CHL1: variants seen among roughly 807,000 people sequenced by gnomAD.
CHL1 encodes cell adhesion molecule L1 like, also known as neural cell adhesion molecule L1-like protein.
Under a neutral mutation model 141.9 loss-of-function variants are expected in CHL1, and 96 were observed. The ratio of observed to expected loss-of-function variants is 0.68; its 90% CI spans 0.57 to 0.80. CHL1 has a LOEUF of 0.80. Among genes scored for constraint, CHL1 ranks in the 30% least tolerant of loss-of-function variants. The pLI is 0.00. For synonymous variants in CHL1, 613 were observed against 502.2 expected (o/e 1.22, Z -2.95); for missense variants, 1,820 against 1,457.2 (o/e 1.25, Z -4.05).
intron 2 of CHL1, among the ~76,000 whole-genome samples, chr3:300,741 C>G (rs539754699): frequency 8.6e-5 from 13 of 151,796 alleles, no homozygotes; most frequent in African/African-American, 3.1e-4. Flanking sequence ...GATAAGTGCT[C>G]TCGTGTGAAA....
At chr3:246,107 G>C (rs1213474878) in intron 2 of CHL1, among the ~76,000 whole-genome samples, 1 of 152,090 alleles carries the variant, frequency 6.6e-6, no homozygotes, top group Non-Finnish European at 1.5e-5. Context: ...ACACTTTTAT[G>C]ATTTCACTTT....
intron 2 of CHL1, among the ~76,000 whole-genome samples, chr3:300,373 G>A (rs1422251061): frequency 1.3e-5 from 2 of 152,142 alleles, no homozygotes; most frequent in Admixed American, 1.3e-4. Context: ...TGGCTCTGAT[G>A]CAAACAGAGG....
Position 394,832 on chromosome 3 carries a change from A to G in CHL1, c.3054A>G (p.Gly1018=). The part of the protein sequence containing the change: ...YLRACTSQGC[G]KPITEESSTL... ...GGGCTTGCACTTCACAGGGCTGTGG[A>G]AAACCGATCACGGAGGAAAGCTCCA... Residue 1018 remains glycine (G), a synonymous_variant, in exon 24 of 28, where the codon GGA becomes GGG. Transcript: ENST00000256509. 2 of 1,613,400 alleles carry G rather than the reference A, an allele frequency of 1.2e-6. No homozygotes were observed. The highest frequency in any genetic ancestry group is 3.3e-4 in the Middle Eastern group (2 of 6,056).
chr3:241,640 T>C (rs1362787907), intron 1 of CHL1, among the ~76,000 whole-genome samples: 1 of 152,092 alleles, frequency 6.6e-6, no homozygotes, highest in Non-Finnish European at 1.5e-5. Context: ...AGTTTTTTTG[T>C]GCATATACTA....
intron 2 of CHL1, among the ~76,000 whole-genome samples, chr3:282,952 G>A (rs1041447838): frequency 6.6e-6 from 1 of 152,186 alleles, no homozygotes; most frequent in Non-Finnish European, 1.5e-5. Context: ...TTGATTTTGT[G>A]TCCAGGGATC....
chr3:335,517 C>T (rs1216869793), intron 5 of CHL1, among the ~76,000 whole-genome samples: 2 of 152,134 alleles, frequency 1.3e-5, no homozygotes, highest in African/African-American at 4.8e-5. Context: ...CAGTAGCATG[C>T]AGTTGTGACA....
At chr3:339,333 T>A (rs447353) in intron 5 of CHL1, among the ~76,000 whole-genome samples, 7 of 152,204 alleles carry the variant, frequency 4.6e-5, no homozygotes, top group African/African-American at 1.7e-4. Context: ...GCTGGCATGA[T>A]GTTTTATCTA....
At chr3:256,577 A>C (rs1172037473) in intron 2 of CHL1, among the ~76,000 whole-genome samples, 2 of 152,226 alleles carry the variant, frequency 1.3e-5, no homozygotes, top group African/African-American at 4.8e-5. Context: ...AGTAGAGGCC[A>C]AAGATGCTGC....
intron 2 of CHL1, among the ~76,000 whole-genome samples, chr3:294,454 A>G (rs971503832): frequency 1.3e-5 from 2 of 152,232 alleles, no homozygotes; most frequent in Non-Finnish European, 2.9e-5. Context: ...TTAATTGTAC[A>G]TGTTTAAACA....
At chr3:247,532 AAGAG>A (rs749780662) in intron 2 of CHL1, 3 of 152,064 alleles carry the variant, frequency 2.0e-5, no homozygotes, top group Non-Finnish European at 4.4e-5. Context: ...AAGAAGAAGA[AAGAG>A]AGGAACAGAA....
At chr3:308,693 T>C (rs1699464730) in intron 2 of CHL1, 1 of 151,910 alleles carries the variant, frequency 6.6e-6, no homozygotes, top group Non-Finnish European at 1.5e-5. Flanking sequence ...TTAGGTGAGC[T>C]GAGACAGGAA....
chr3:248,295 A>G (rs1383373172), intron 2 of CHL1: 2 of 152,132 alleles, frequency 1.3e-5, no homozygotes, highest in Non-Finnish European at 2.9e-5. Flanking sequence ...AAGCTGAGGT[A>G]TACTTATATT....
At chr3:258,854 A>G (rs907785695) in intron 2 of CHL1, among the ~76,000 whole-genome samples, 8 of 149,222 alleles carry the variant, frequency 5.4e-5, no homozygotes, top group African/African-American at 2.0e-4. Flanking sequence ...TCACATTGTT[A>G]TTAACTAAGT....
chr3:308,464 A>G (rs1699440662), intron 2 of CHL1, among the ~76,000 whole-genome samples: 1 of 152,068 alleles, frequency 6.6e-6, no homozygotes, highest in African/African-American at 2.4e-5. Context: ...GATTAACACA[A>G]AAAACTGGAG....
In CHL1 at chr3:334,859, G is replaced by A. The variant is rs183201309; in HGVS notation, c.386-5935G>A. Among the ~76,000 whole-genome samples the A allele has an allele frequency of 2.9e-4, 44 of 152,066 alleles. No homozygotes were observed. In the East Asian group the frequency reaches 6.0e-3, roughly 21 times the overall value. ...TCAGACAGACTGTCATATCCTTCCCGTTCTGCATTGCCTTGTAGATGTCAC... is the reference window on the plus strand; with the variant it reads ...TCAGACAGACTGTCATATCCTTCCCATTCTGCATTGCCTTGTAGATGTCAC... On this transcript the variant is annotated intron_variant, in intron 5 of 27. Transcript: ENST00000256509.
chr3:226,649 G>GT (rs920984061), intron 1 of CHL1, among the ~76,000 whole-genome samples: 8 of 151,848 alleles, frequency 5.3e-5, no homozygotes, highest in Non-Finnish European at 7.4e-5. Flanking sequence ...GTTTCACCAT[G>GT]TTGGCCAGAC....
chr3:378,047 T>A lies in CHL1; in HGVS notation c.1876+105T>A, dbSNP rs1338999276. The A allele has an allele frequency of 3.1e-6, 3 of 974,264 alleles. No individual in the cohort carries two copies. The African/African-American group carries it at 5.1e-5, about 17-fold the overall frequency. The allele number at this position is 974,264 out of a possible 1,614,324, so 60.4% of individuals were successfully genotyped here. A position where few individuals can be genotyped will look rare whatever the true frequency, so the allele number is the denominator to read the frequency against. On this transcript the variant is annotated intron_variant, in intron 16 of 27. Coordinates refer to ENST00000256509, the MANE Select transcript of CHL1 (RefSeq NM_006614.4). ...ATGATTCTTTGAGCCCCTGCACATATATTGTTAGTTTCAAATTTTTGTTTA... is the reference window on the plus strand; with the variant it reads ...ATGATTCTTTGAGCCCCTGCACATAAATTGTTAGTTTCAAATTTTTGTTTA...
At chr3:390,624 A>T in intron 20 of CHL1, 77 bp from the exon 21 acceptor site, 3 of 822,936 alleles carry the variant, frequency 3.6e-6, no homozygotes, top group Non-Finnish European at 6.1e-6. Flanking sequence ...AAGAAACATT[A>T]TGAAAATTTT....
chr3:342,621 G>A (rs771862025), intron 7 of CHL1, among the ~76,000 whole-genome samples: 2 of 152,164 alleles, frequency 1.3e-5, no homozygotes, highest in South Asian at 2.1e-4. Context: ...AGTTTGCTGA[G>A]CGAATAATTG....
Sources: allele counts gnomAD v4.1 joint callset (sites outside exome capture counted in the v4.1 genomes callset), GRCh38; gene constraint gnomAD v4.1.1; transcripts MANE v1.5; gene names NCBI Gene and HGNC (gene_info 2026-07-23, HGNC 2026-07-21).